UNC5D: variants seen among roughly 807,000 people sequenced by gnomAD.
UNC5D encodes the protein netrin receptor UNC5D.
Under a neutral mutation model 105.4 loss-of-function variants are expected in UNC5D, and 39 were observed. The observed-to-expected ratio is 0.37, with a 90% CI of 0.29 to 0.48. The LOEUF (loss-of-function observed/expected upper bound fraction) is 0.48, where lower values mean the gene tolerates loss of function less well. Ranked by LOEUF, UNC5D falls within the 20% of genes least tolerant of loss-of-function variation. The probability of loss-of-function intolerance (pLI) is 0.98; values close to 1 mark genes in which losing one functional copy is unlikely to be tolerated. For synonymous variants in UNC5D, 452 were observed against 450.4 expected, an observed-to-expected ratio of 1.00 and a Z score of -0.04; for missense variants, 991 against 1,202.4, an observed-to-expected ratio of 0.82 and a Z score of 2.60.
chr8:35,478,156 C>T (rs1040824150), intron 1 of UNC5D, among the ~76,000 whole-genome samples: 4 of 152,028 alleles, frequency 2.6e-5, no homozygotes, highest in African/African-American at 9.7e-5. Context: ...TTAGATAAAA[C>T]TTCAGATTAA....
intron 1 of UNC5D, among the ~76,000 whole-genome samples, chr8:35,354,287 C>T (rs532893028): frequency 8.6e-5 from 13 of 151,976 alleles, no homozygotes; most frequent in African/African-American, 3.1e-4. Flanking sequence ...TTGCTTTGTT[C>T]TTTTGATATA....
At chr8:35,436,742 A>C (rs1807041954) in intron 1 of UNC5D, among the ~76,000 whole-genome samples, 1 of 152,042 alleles carries the variant, frequency 6.6e-6, no homozygotes, top group South Asian at 2.1e-4. Flanking sequence ...TGCTTAAGGG[A>C]CTATATACCC....
intron 1 of UNC5D, among the ~76,000 whole-genome samples, chr8:35,479,024 C>G (rs1439527659): frequency 6.6e-6 from 1 of 152,094 alleles, no homozygotes; most frequent in Non-Finnish European, 1.5e-5. Flanking sequence ...CTTTGGAGTT[C>G]AGAAATATCA....
intron 1 of UNC5D, among the ~76,000 whole-genome samples, chr8:35,391,539 A>T (rs1285743403): frequency 6.6e-6 from 1 of 152,176 alleles, no homozygotes; most frequent in Non-Finnish European, 1.5e-5. Context: ...AGCTGTGTGA[A>T]GACATTTTGA....
intron 1 of UNC5D, among the ~76,000 whole-genome samples, chr8:35,507,916 T>G (rs1812443224): frequency 6.6e-6 from 1 of 152,136 alleles, no homozygotes; most frequent in African/African-American, 2.4e-5. Context: ...TAAAAATTAT[T>G]TTTTTAAAAA....
At chr8:35,499,726 A>C (rs1217999861) in intron 1 of UNC5D, among the ~76,000 whole-genome samples, 2 of 152,204 alleles carry the variant, frequency 1.3e-5, no homozygotes, top group African/African-American at 2.4e-5. Flanking sequence ...GTTTATAAGC[A>C]GCATGGAACA....
At chr8:35,331,215 G>C (rs1407671127) in intron 1 of UNC5D, among the ~76,000 whole-genome samples, 3 of 152,154 alleles carry the variant, frequency 2.0e-5, no homozygotes, top group African/African-American at 4.8e-5. Flanking sequence ...GAACAGGAGA[G>C]TTATATTGGG....
At chr8:35,790,044 G>A (rs1802964393) in intron 16 of UNC5D, among the ~76,000 whole-genome samples, 1 of 152,038 alleles carries the variant, frequency 6.6e-6, no homozygotes, top group African/African-American at 2.4e-5. Context: ...AGCCCAGGAG[G>A]TCAAGGCTGC....
chr8:35,264,227 GC>G (rs1380308920), intron 1 of UNC5D, among the ~76,000 whole-genome samples: 3 of 152,148 alleles, frequency 2.0e-5, no homozygotes, highest in African/African-American at 7.2e-5. Flanking sequence ...ATTTGCTCAG[GC>G]ACTGCAGATG....
chr8:35,552,023 G>A (rs1247383743), intron 2 of UNC5D, among the ~76,000 whole-genome samples: 1 of 152,102 alleles, frequency 6.6e-6, no homozygotes, highest in Admixed American at 6.5e-5. Flanking sequence ...TAGGATTGCA[G>A]TATAAATTCA....
rs557562098 is a variant in UNC5D, at chr8:35,672,839, T to A, written c.571-10708T>A. Among the ~76,000 whole-genome samples, 490 of 151,640 alleles carry A rather than the reference T, an allele frequency of 3.2e-3. 1 individual carries two copies. The highest frequency in any genetic ancestry group is 9.0e-3 in the African/African-American group (373 of 41,364). ...ACCATTTACTTGTCATAATGAATTT[T>A]AAAAAAAAATAGTATGAGACTGCAC... is the stretch of plus-strand genomic sequence containing the variant. On this transcript the variant is annotated intron_variant, in intron 4 of 16. Coordinates refer to ENST00000404895, the MANE Select transcript of UNC5D (RefSeq NM_080872.4).
Position 35,484,057 on chromosome 8 carries a change from G to T in UNC5D, c.104-65235G>T, listed in dbSNP as rs946931239. Among the ~76,000 whole-genome samples the T allele has an allele frequency of 1.8e-4, 27 of 152,110 alleles. 1 individual carries two copies. The highest frequency in any genetic ancestry group is 1.5e-5 in the Non-Finnish European group (1 of 68,024). On this transcript the variant is annotated intron_variant, in intron 1 of 16. Coordinates refer to ENST00000404895, the MANE Select transcript of UNC5D (RefSeq NM_080872.4). ...TCAATTGACAACATAATCATATCTG[G>T]ATGATGACCCTTAAGGGAAGGCTGA...
At chr8:35,574,560 G>T (rs1817963389) in intron 3 of UNC5D, among the ~76,000 whole-genome samples, 1 of 151,976 alleles carries the variant, frequency 6.6e-6, no homozygotes, top group African/African-American at 2.4e-5. Context: ...CTTTTTGAAG[G>T]GTAAAAATTT....
intron 1 of UNC5D, among the ~76,000 whole-genome samples, chr8:35,485,259 C>T (rs1810752597): frequency 6.6e-6 from 1 of 152,118 alleles, no homozygotes; most frequent in Non-Finnish European, 1.5e-5. Context: ...GAAGACCATA[C>T]CAGTAATAAT....
chr8:35,413,817 T>C (rs1169972106), intron 1 of UNC5D, among the ~76,000 whole-genome samples: 3 of 152,084 alleles, frequency 2.0e-5, no homozygotes, highest in Non-Finnish European at 4.4e-5. Context: ...ATCTCTTAAG[T>C]GGGTAGCAGA....
At chr8:35,363,760 G>A (rs1801967791) in intron 1 of UNC5D, among the ~76,000 whole-genome samples, 1 of 151,908 alleles carries the variant, frequency 6.6e-6, no homozygotes, top group South Asian at 2.1e-4. Context: ...ATTATCATAT[G>A]GTTGTGCTTT....
At chr8:35,621,370 G>A (rs1821353269) in intron 4 of UNC5D, among the ~76,000 whole-genome samples, 1 of 152,120 alleles carries the variant, frequency 6.6e-6, no homozygotes, top group Non-Finnish European at 1.5e-5. Flanking sequence ...TACCTAGCAT[G>A]TACTAGGCAC....
At chr8:35,470,346 C>T (rs1399780784) in intron 1 of UNC5D, among the ~76,000 whole-genome samples, 8 of 151,902 alleles carry the variant, frequency 5.3e-5, no homozygotes, top group Admixed American at 1.3e-4. Flanking sequence ...ACATTTATTG[C>T]GTCTCTTCTG....
intron 1 of UNC5D, among the ~76,000 whole-genome samples, chr8:35,510,000 A>G (rs974280296): frequency 1.2e-4 from 18 of 152,156 alleles, no homozygotes; most frequent in African/African-American, 4.3e-4. Flanking sequence ...GGGGCTGCAG[A>G]GCTTTCGTGC....
Sources: allele counts gnomAD v4.1 joint callset (sites outside exome capture counted in the v4.1 genomes callset), GRCh38; gene constraint gnomAD v4.1.1; transcripts MANE v1.5; gene names NCBI Gene and HGNC (gene_info 2026-07-23, HGNC 2026-07-21).